LRPAP1: variants seen among roughly 807,000 people sequenced by gnomAD.
LRPAP1 encodes the protein LDL receptor related protein associated protein 1.
LRPAP1 carries 41 observed loss-of-function variants against 39.9 expected under a neutral mutation model. The ratio of observed to expected loss-of-function variants is 1.03; its 90% confidence interval spans 0.80 to 1.33. The LOEUF (loss-of-function observed/expected upper bound fraction) is 1.33. LRPAP1 is among the 40% of genes most tolerant of loss of function. The pLI, the probability that LRPAP1 is intolerant of heterozygous loss-of-function variation, is 0.00. For synonymous variants in LRPAP1, 263 were observed against 212.7 expected, an observed-to-expected ratio of 1.24 and a Z score of -2.06; for missense variants, 565 against 482.3, an observed-to-expected ratio of 1.17 and a Z score of -1.61.
rs1159009596 is a variant in LRPAP1, at chr4:3,512,563, C to A, written c.*411G>T. 1 of 170,470 alleles carries A rather than the reference C, an allele frequency of 5.9e-6. No homozygotes were observed. The highest frequency in any genetic ancestry group is 1.3e-5 in the Non-Finnish European group (1 of 79,436). 10.6% of individuals were successfully genotyped at this position (170,470 alleles called of 1,614,324 possible). Reference sequence around the variant, plus strand: ...GGACACTTAGTGACCAGCCAACAAGCGGGTGGTTTAAATACTGCACTCTAT... The same window carrying A: ...GGACACTTAGTGACCAGCCAACAAGAGGGTGGTTTAAATACTGCACTCTAT... On this transcript the variant is annotated 3_prime_UTR_variant, in exon 8 of 8. Coordinates refer to ENST00000650182, the MANE Select transcript of LRPAP1 (RefSeq NM_002337.4).
rs1483509811 is a variant in LRPAP1 at position 3,506,414 on chromosome 4, C to G, written c.*6560G>C. On this transcript the variant is annotated 3_prime_UTR_variant, in exon 8 of 8. Transcript: ENST00000650182. ...TTGAGGCGAAGTCTTGCTCTTGTCCCCAGGCCGGAGTGCAATGGCGCGATC... is the reference window on the plus strand; with the variant it reads ...TTGAGGCGAAGTCTTGCTCTTGTCCGCAGGCCGGAGTGCAATGGCGCGATC... The G allele has an allele frequency of 1.3e-5, 2 of 150,728 alleles. No homozygotes were observed. The highest frequency in any genetic ancestry group is 2.4e-5 in the African/African-American group (1 of 40,906). The allele number at this position is 150,728 out of a possible 1,614,324, so 9.3% of individuals were successfully genotyped here.
chr4:3,513,420 A>G (rs1463105659), intron 7 of LRPAP1, among the ~76,000 whole-genome samples: 1 of 151,890 alleles, frequency 6.6e-6, no homozygotes, highest in Non-Finnish European at 1.5e-5. Flanking sequence ...TGATCCTCCC[A>G]CCTCAGCCTC....
Position 3,510,449 on chromosome 4 carries a change from T to C in LRPAP1, c.*2525A>G, listed in dbSNP as rs1729473732. The C allele has an allele frequency of 6.6e-6, 1 of 152,108 alleles. No individual in the cohort carries two copies. The highest frequency in any genetic ancestry group is 1.5e-5 in the Non-Finnish European group (1 of 68,034). 9.4% of individuals were successfully genotyped at this position (152,108 alleles called of 1,614,324 possible). ...GGACAGAGCAAGACCTTGTCTAAAG[T>C]GTGGCAATGGCAAGAGCGTAAGGAC... On this transcript the variant is annotated 3_prime_UTR_variant, in exon 8 of 8. Coordinates refer to ENST00000650182, the MANE Select transcript of LRPAP1 (RefSeq NM_002337.4).
chr4:3,521,026 C>A (rs1729894629), intron 2 of LRPAP1, among the ~76,000 whole-genome samples: 1 of 152,302 alleles, frequency 6.6e-6, no homozygotes, highest in Admixed American at 6.5e-5. Context: ...CTGGCCTCGC[C>A]CTCCACGGCA....
chr4:3,507,437 G>C lies in LRPAP1; in HGVS notation c.*5537C>G, dbSNP rs1729386632. On this transcript the variant is annotated 3_prime_UTR_variant, in exon 8 of 8. Transcript: ENST00000650182. ...TGATTTCCTCCTCAATTGCACTCTG[G>C]CCAAAGAATGTGATTTGTATTATTT... 1.3e-5 allele frequency: 2 copies of C among 151,774 alleles called. No individual in the cohort carries two copies. The highest frequency in any genetic ancestry group is 4.8e-5 in the African/African-American group (2 of 41,260). 9.4% of individuals were successfully genotyped at this position (151,774 alleles called of 1,614,324 possible). A position where few individuals can be genotyped will look rare whatever the true frequency, so the allele number is the denominator to read the frequency against.
chr4:3,531,128 G>T (rs145585950), intron 1 of LRPAP1, among the ~76,000 whole-genome samples: 1 of 152,116 alleles, frequency 6.6e-6, no homozygotes, highest in South Asian at 2.1e-4. Context: ...AGCCCAGAGC[G>T]TTCTCCCACC....
intron 1 of LRPAP1, among the ~76,000 whole-genome samples, chr4:3,531,779 G>A (rs936076531): frequency 1.3e-5 from 2 of 152,238 alleles, no homozygotes; most frequent in Non-Finnish European, 2.9e-5. Context: ...TTGCTACTGG[G>A]ATTCCTTCTG....
chr4:3,530,096 A>G (rs1170819484), intron 1 of LRPAP1, among the ~76,000 whole-genome samples: 1 of 152,120 alleles, frequency 6.6e-6, no homozygotes, highest in Non-Finnish European at 1.5e-5. Context: ...AGCCGACTGG[A>G]GTGACTATTT....
intron 1 of LRPAP1, among the ~76,000 whole-genome samples, chr4:3,531,256 A>T (rs1730243036): frequency 6.6e-6 from 1 of 152,250 alleles, no homozygotes; most frequent in Non-Finnish European, 1.5e-5. Context: ...ACGCAGTCTT[A>T]TAACCGTCTG....
Position 3,509,202 on chromosome 4 carries a change from A to G in LRPAP1, c.*3772T>C, listed in dbSNP as rs532354026. The G allele has an allele frequency of 5.9e-5, 9 of 152,404 alleles. No individual in the cohort carries two copies. Among genetic ancestry groups the G allele is most frequent in the African/African-American group, 2.2e-4 (9 of 41,586 alleles). 9.4% of individuals were successfully genotyped at this position (152,404 alleles called of 1,614,324 possible). Reference sequence around the variant, plus strand: ...CTCAATACCTGGAGTCATACATGGCAGTCAACGCATGGACACCGGAGACTG... The same window carrying G: ...CTCAATACCTGGAGTCATACATGGCGGTCAACGCATGGACACCGGAGACTG... On this transcript the variant is annotated 3_prime_UTR_variant, in exon 8 of 8. Coordinates refer to ENST00000650182, the MANE Select transcript of LRPAP1 (RefSeq NM_002337.4).
chr4:3,521,725 G>A (rs1039343090), intron 2 of LRPAP1, among the ~76,000 whole-genome samples: 6 of 152,238 alleles, frequency 3.9e-5, no homozygotes, highest in South Asian at 2.1e-4. Flanking sequence ...GAGGAAAGCC[G>A]TCTCTCCTGA....
chr4:3,504,030 G>A lies in LRPAP1; in HGVS notation c.*8944C>T, dbSNP rs1342225603. 1 of 152,466 alleles carries A rather than the reference G, an allele frequency of 6.6e-6. No individual in the cohort carries two copies. The highest frequency in any genetic ancestry group is 2.4e-5 in the African/African-American group (1 of 41,472). The allele number at this position is 152,466 out of a possible 1,614,324, so 9.4% of individuals were successfully genotyped here. The stretch of plus-strand genomic sequence containing the variant: ...AGGGTGGGGCAGACACCAGGCTCCA[G>A]CCCAGCCTCAGGTGAGAGTGAAGGG... On this transcript the variant is annotated 3_prime_UTR_variant, in exon 8 of 8. Transcript: ENST00000650182.
In LRPAP1 at chr4:3,512,857, G is replaced by A. The variant is rs902256528; in HGVS notation, c.*117C>T. 1.1e-5 allele frequency: 9 copies of A among 806,258 alleles called. No homozygotes were observed. The highest frequency in any genetic ancestry group is 5.4e-5 in the East Asian group (2 of 36,984). 49.9% of individuals were successfully genotyped at this position (806,258 alleles called of 1,614,324 possible). A position where few individuals can be genotyped will look rare whatever the true frequency, so the allele number is the denominator to read the frequency against. ...CACCAGAAACAATCCTTCCTGCCTC[G>A]ACACCCGTGCCAGCCCCAGCCACCC... On this transcript the variant is annotated 3_prime_UTR_variant, in exon 8 of 8. Coordinates refer to ENST00000650182, the MANE Select transcript of LRPAP1 (RefSeq NM_002337.4).
chr4:3,518,990 G>T lies in LRPAP1; in HGVS notation c.473C>A (p.Ala158Glu). ...DPRLEKLWHKAKTSGKFSGEE... is the reference protein window; with the variant it reads ...DPRLEKLWHKEKTSGKFSGEE... ...GCCGGAGAATTTCCCAGAGGTCTTC[G>T]CCTAAGAGGGAAACAAGGCCTGGAG... is the stretch of plus-strand genomic sequence containing the variant. The change falls in exon 4 of 8, where the codon GCG (alanine) becomes GAG (glutamate). Residue 158 changes from alanine (A) to glutamate (E), a missense_variant and splice_region_variant. Transcript: ENST00000650182. 2 of 1,613,294 alleles carry T rather than the reference G, an allele frequency of 1.2e-6. No individual in the cohort carries two copies. The highest frequency in any genetic ancestry group is 1.7e-6 in the Non-Finnish European group (2 of 1,179,524).
chr4:3,515,404 C>A (rs554360300), intron 6 of LRPAP1, among the ~76,000 whole-genome samples: 1 of 152,326 alleles, frequency 6.6e-6, no homozygotes, highest in South Asian at 2.1e-4. Flanking sequence ...CACGTGCCTG[C>A]GGCCAGCTAA....
At chr4:3,524,542 G>T (rs1410073162) in intron 2 of LRPAP1, among the ~76,000 whole-genome samples, 1 of 152,236 alleles carries the variant, frequency 6.6e-6, no homozygotes, top group African/African-American at 2.4e-5. Context: ...ACGGCCAAGG[G>T]CGCATCTGTG....
In LRPAP1 at chr4:3,532,374, G is replaced by C. The variant is rs762417810; in HGVS notation, c.39C>G (p.Leu13=). The stretch of plus-strand genomic sequence containing the variant: ...AGAGCAGCAGCAGTAGCAGCGCCGG[G>C]AGCCCGCGCAGAAACGACCTGACCC... ...PRRVRSFLRG[L]PALLLLLLFL... is the part of the protein sequence containing the mutation. The change falls in exon 1 of 8, where the codon CTC becomes CTG. Residue 13 remains leucine, a synonymous_variant. Coordinates refer to ENST00000650182, the MANE Select transcript of LRPAP1 (RefSeq NM_002337.4). 1.3e-6 allele frequency: 2 copies of C among 1,592,482 alleles called. No individual in the cohort carries two copies. The highest frequency in any genetic ancestry group is 1.1e-5 in the South Asian group (1 of 88,226).
At chr4:3,525,666 C>T (rs1300622952) in intron 1 of LRPAP1, among the ~76,000 whole-genome samples, 5 of 152,200 alleles carry the variant, frequency 3.3e-5, no homozygotes, top group African/African-American at 1.2e-4. Flanking sequence ...AGCTGCCGCA[C>T]TGGGGCTGAG....
intron 1 of LRPAP1, 59 bp from the exon 2 acceptor site, chr4:3,525,110 G>A (rs770506529): frequency 2.5e-6 from 4 of 1,600,444 alleles, no homozygotes; most frequent in East Asian, 4.5e-5. Flanking sequence ...GACACAGCGA[G>A]AAACTGACCT....
Sources: allele counts gnomAD v4.1 joint callset (sites outside exome capture counted in the v4.1 genomes callset), GRCh38; gene constraint gnomAD v4.1.1; transcripts MANE v1.5; gene names NCBI Gene and HGNC (gene_info 2026-07-23, HGNC 2026-07-21).